The following SNRNP40 variants were observed in gnomAD, a reference collection of about 807,000 sequenced individuals.
The protein encoded by SNRNP40 is small nuclear ribonucleoprotein U5 subunit 40.
Under a neutral mutation model 45.8 loss-of-function variants are expected in SNRNP40, and 21 were observed. The ratio of observed to expected loss-of-function variants is 0.46; its 90% CI spans 0.32 to 0.66. SNRNP40 has a LOEUF of 0.66. SNRNP40 is among the 30% of genes least tolerant of loss of function. The pLI is 0.03. For missense variants in SNRNP40, 344 were observed against 439.1 expected (o/e 0.78, Z 1.94); for synonymous variants, 142 against 163.8 (o/e 0.87, Z 1.01).
Position 31,269,264 on chromosome 1 carries a change from A to C in SNRNP40, c.776-24T>G, listed in dbSNP as rs367607727. 3.1e-5 allele frequency: 50 copies of C among 1,612,324 alleles called. No individual in the cohort carries two copies. Among genetic ancestry groups the C allele is most frequent in the Middle Eastern group, 1.7e-4 (1 of 6,056 alleles). On this transcript the variant is annotated intron_variant, in intron 6 of 9. Coordinates refer to ENST00000263694, the MANE Select transcript of SNRNP40 (RefSeq NM_004814.3). The stretch of plus-strand genomic sequence containing the variant: ...AACTGCAAAACAAATCCAAATAAAC[A>C]AACCAACCAAAACAACTATCGGCCA...
chr1:31,291,488 G>A (rs1439083855), intron 3 of SNRNP40, among the ~76,000 whole-genome samples: 1 of 152,108 alleles, frequency 6.6e-6, no homozygotes, highest in African/African-American at 2.4e-5. Context: ...GAGCTCAGGA[G>A]CAATATAGCA....
chr1:31,282,544 CCT>C (rs1484462146), intron 4 of SNRNP40: 2 of 150,298 alleles, frequency 1.3e-5, no homozygotes, highest in Admixed American at 6.7e-5. Flanking sequence ...ACACACTCTC[CCT>C]CTGTCGCCTA....
intron 5 of SNRNP40, among the ~76,000 whole-genome samples, chr1:31,277,030 G>A (rs770650632): frequency 1.5e-4 from 23 of 150,284 alleles, no homozygotes; most frequent in Non-Finnish European, 2.1e-4. Context: ...GTGAAACTCC[G>A]TCTCAAAAAA....
intron 4 of SNRNP40, chr1:31,282,524 T>C (rs995104636): frequency 1.0e-4 from 15 of 149,522 alleles, no homozygotes; most frequent in African/African-American, 3.7e-4. Context: ...TCTATCTATC[T>C]AATCTGGGGA....
intron 8 of SNRNP40, 130 bp downstream of exon 8, chr1:31,267,741 G>C: frequency 3.0e-6 from 2 of 661,086 alleles, no homozygotes; most frequent in Non-Finnish European, 5.5e-6. Context: ...CTCCATGTTG[G>C]TCAGGCTGGT....
intron 7 of SNRNP40, 92 bp downstream of exon 7, chr1:31,269,066 T>C (rs1645919265): frequency 8.7e-7 from 1 of 1,146,794 alleles, no homozygotes; most frequent in East Asian, 2.6e-5. Context: ...AGTCCATTCT[T>C]AGCAGAGCTA....
chr1:31,266,207 T>C (rs1645895333), intron 8 of SNRNP40, among the ~76,000 whole-genome samples: 1 of 152,172 alleles, frequency 6.6e-6, no homozygotes, highest in South Asian at 2.1e-4. Context: ...CAGATCACAG[T>C]GCAGCTTCTG....
At chr1:31,286,077 C>T (rs1646054964) in intron 4 of SNRNP40, among the ~76,000 whole-genome samples, 1 of 152,118 alleles carries the variant, frequency 6.6e-6, no homozygotes, top group South Asian at 2.1e-4. Context: ...AAAACAGTAC[C>T]TGTGCAGTAA....
In SNRNP40 at chr1:31,289,309, G is replaced by A. The variant is rs1481370721; in HGVS notation, c.476C>T (p.Pro159Leu). The A allele has an allele frequency of 4.3e-6, 7 of 1,613,586 alleles. No individual in the cohort carries two copies. The highest frequency in any genetic ancestry group is 5.9e-6 in the Non-Finnish European group (7 of 1,179,650). The change falls in exon 4 of 10, where the codon CCA (proline) becomes CTA (leucine). Residue 159 changes from proline to leucine, a missense_variant. By Grantham distance (98) the Pro-to-Leu change is moderately conservative. Coordinates refer to ENST00000263694, the MANE Select transcript of SNRNP40 (RefSeq NM_004814.3). ...GACAAGCTGAGGGCCTCTCCTGGCTGGATAACAGGAATTCACAAAGGAAGT... is the reference window on the plus strand; with the variant it reads ...GACAAGCTGAGGGCCTCTCCTGGCTAGATAACAGGAATTCACAAAGGAAGT... ...GHTSFVNSCY[P>L]ARRGPQLVCT...
chr1:31,282,952 A>G (rs1024930434), intron 4 of SNRNP40, among the ~76,000 whole-genome samples: 2 of 152,190 alleles, frequency 1.3e-5, no homozygotes, highest in African/African-American at 4.8e-5. Flanking sequence ...CTAAGATTAC[A>G]GGCATGAGCC....
intron 2 of SNRNP40, among the ~76,000 whole-genome samples, 187 bp from the exon 3 acceptor site, chr1:31,292,193 T>A (rs1240804597): frequency 6.6e-6 from 1 of 151,990 alleles, no homozygotes; most frequent in Admixed American, 6.6e-5. Flanking sequence ...CGAAACCCCA[T>A]CTTTAATAAA....
intron 8 of SNRNP40, among the ~76,000 whole-genome samples, chr1:31,264,818 C>T (rs149837713): frequency 4.3e-4 from 65 of 152,204 alleles, no homozygotes; most frequent in African/African-American, 1.5e-3. Flanking sequence ...TTGCCAAATC[C>T]AGGCCAAGCT....
intron 1 of SNRNP40, among the ~76,000 whole-genome samples, chr1:31,296,157 C>T (rs926933654): frequency 6.6e-6 from 1 of 152,128 alleles, no homozygotes; most frequent in Non-Finnish European, 1.5e-5. Context: ...ATGTTAGCTG[C>T]TATTTAGTTG....
chr1:31,271,899 A>G (rs1645941517), intron 5 of SNRNP40, among the ~76,000 whole-genome samples: 1 of 152,126 alleles, frequency 6.6e-6, no homozygotes, highest in Non-Finnish European at 1.5e-5. Flanking sequence ...TCCTCTCAGT[A>G]TTTGGATTAA....
intron 4 of SNRNP40, chr1:31,282,083 T>C (rs1646020432): frequency 6.6e-6 from 1 of 152,276 alleles, no homozygotes; most frequent in Non-Finnish European, 1.5e-5. Context: ...GTAAAAGGGC[T>C]TTGTAGTGTT....
chr1:31,283,919 C>G (rs186413585), intron 4 of SNRNP40, among the ~76,000 whole-genome samples: 1 of 152,186 alleles, frequency 6.6e-6, no homozygotes, highest in East Asian at 1.9e-4. Context: ...AATGTAAGAG[C>G]TAAAACTATA....
At position 31,293,324 on chromosome 1, in the gene SNRNP40, G is replaced by C; in HGVS notation, c.166C>G (p.Gln56Glu). Reference protein sequence around the residue: ...QAGPPRCSSLQAPIMLLSGHE... With the variant: ...QAGPPRCSSLEAPIMLLSGHE... ...CCAGAGAGCAGCATGATTGGGGCTT[G>C]AAGGGAGGAACATCTTGGAGGTCCC... Residue 56 changes from glutamine to glutamate, a missense_variant, in exon 2 of 10, where the codon CAA (glutamine) becomes GAA (glutamate). Physicochemically the swap from Gln to Glu is conservative, Grantham distance 29 (BLOSUM62 2). This residue lies in a region of SNRNP40 where 254 missense variants were observed against 380.2 expected (regional missense o/e 0.67). Transcript: ENST00000263694. The C allele has an allele frequency of 6.2e-7, 1 of 1,612,116 alleles. No individual in the cohort carries two copies. Among genetic ancestry groups the C allele is most frequent in the Non-Finnish European group, 8.5e-7 (1 of 1,179,470 alleles).
chr1:31,281,644 A>T, intron 4 of SNRNP40, 148 bp from the exon 5 acceptor site: 1 of 599,982 alleles, frequency 1.7e-6, no homozygotes, highest in East Asian at 2.9e-5. Context: ...TATCCTAATA[A>T]CACACATGGT....
intron 3 of SNRNP40, among the ~76,000 whole-genome samples, chr1:31,290,138 C>T (rs1646093047): frequency 6.6e-6 from 1 of 152,280 alleles, no homozygotes; most frequent in African/African-American, 2.4e-5. Context: ...GGGTTATAGG[C>T]GTAAGCAACC....
Sources: gnomAD v4.1 joint callset for allele counts (sites outside exome capture counted in the v4.1 genomes callset) on GRCh38, gnomAD v4.1.1 for gene constraint, gnomAD v4.1.1 regional missense constraint, MANE v1.5 for transcripts, NCBI Gene and HGNC (gene_info 2026-07-23, HGNC 2026-07-21) for gene names.